The following MED13L variants were observed in gnomAD, a reference collection of about 807,000 sequenced individuals.
MED13L encodes the protein mediator of RNA polymerase II transcription subunit 13-like.
Under a neutral mutation model 220.9 loss-of-function variants are expected in MED13L, and 7 were observed. The ratio of observed to expected loss-of-function variants is 0.03; its 90% CI spans 0.02 to 0.06. The LOEUF is 0.06. MED13L is among the 10% of genes least tolerant of loss of function. The probability of loss-of-function intolerance (pLI) is 1.00; values close to 1 mark genes in which losing one functional copy is unlikely to be tolerated. For synonymous variants in MED13L, 1,011 were observed against 1,015.2 expected (o/e 1.00, Z 0.08); for missense variants, 1,965 against 2,760.5 (o/e 0.71, Z 6.46).
chr12:116,232,107 G>A, intron 2 of MED13L: 1 of 985,370 alleles, frequency 1.0e-6, no homozygotes, highest in Non-Finnish European at 1.2e-6. Flanking sequence ...GCTCTCTTAT[G>A]TCTAATGTTT....
chr12:116,274,937 C>CA (rs1186181075), intron 1 of MED13L, among the ~76,000 whole-genome samples: 1 of 150,724 alleles, frequency 6.6e-6, no homozygotes, highest in Non-Finnish European at 1.5e-5. Flanking sequence ...ATTGCTTCTC[C>CA]AAAAGAATCT....
At position 116,277,237 on chromosome 12, in the gene MED13L, G is replaced by GGCCGCC. The variant is rs956236456; in HGVS notation, c.-112_-107dup. ...CTCGCCGGGGAGCGCGGGGCGGCCG[G>GGCCGCC]GCCGCCGCCGCCGCCGGGGGAGGGC... is the stretch of plus-strand genomic sequence containing the variant. On this transcript the variant is annotated 5_prime_UTR_variant, in exon 1 of 31. Transcript: ENST00000281928. 7.9e-5 allele frequency: 39 copies of GGCCGCC among 496,366 alleles called. No individual in the cohort carries two copies. Among genetic ancestry groups the GGCCGCC allele is most frequent in the African/African-American group, 7.6e-4 (36 of 47,140 alleles). The allele number at this position is 496,366 out of a possible 1,614,324, so 30.7% of individuals were successfully genotyped here. A position where few individuals can be genotyped will look rare whatever the true frequency, so the allele number is the denominator to read the frequency against.
rs1332477505 is a variant in MED13L, at chr12:115,961,376, C to T, written c.6523G>A (p.Ala2175Thr). The change falls in exon 31 of 31, where the codon GCT becomes ACT. Residue 2175 changes from alanine to threonine, a missense_variant. Ala to Thr is a moderately conservative substitution (Grantham distance 58). Around this residue, in one of 10 missense-constraint regions of MED13L, gnomAD observed 145 missense variants for 328.3 expected, o/e 0.44. Coordinates refer to ENST00000281928, the MANE Select transcript of MED13L (RefSeq NM_015335.5). ...GGATTGCACGTGAGCCAGGACAGAG[C>T]GTTGTACTGCTCCAAAACAAACCTG... ...VLRFVLEQYN[A>T]LSWLTCNPAT... 1.2e-6 allele frequency: 2 copies of T among 1,613,644 alleles called. No individual in the cohort carries two copies. The highest frequency in any genetic ancestry group is 1.3e-5 in the African/African-American group (1 of 74,908).
At chr12:116,106,396 T>C (rs1192679066) in intron 3 of MED13L, among the ~76,000 whole-genome samples, 1 of 152,160 alleles carries the variant, frequency 6.6e-6, no homozygotes, top group Non-Finnish European at 1.5e-5. Context: ...GCGTTATAAA[T>C]GATCCCAAAG....
intron 4 of MED13L, among the ~76,000 whole-genome samples, chr12:116,066,063 C>T (rs1869895719): frequency 6.6e-6 from 1 of 152,140 alleles, no homozygotes; most frequent in Non-Finnish European, 1.5e-5. Context: ...TTTGTAAAAG[C>T]TATCAAGTCG....
chr12:116,119,834 A>T (rs1279835698), intron 2 of MED13L, among the ~76,000 whole-genome samples: 6,540 of 93,816 alleles, frequency 0.07, 248 homozygotes, highest in Non-Finnish European at 0.093. Flanking sequence ...AAAAAAAAAA[A>T]AAAAATATAT....
In MED13L at chr12:116,139,588, T is replaced by C. The variant is rs551356689; in HGVS notation, c.311-28076A>G. Among the ~76,000 whole-genome samples the C allele has an allele frequency of 6.6e-5, 10 of 152,294 alleles. No homozygotes were observed. The South Asian group carries it at 1.7e-3, about 25-fold the overall frequency. ...CATAAAATATTATTATAAAAAATATTTTCCCAATCTGATTTTAAACTCAAG... is the reference window on the plus strand; with the variant it reads ...CATAAAATATTATTATAAAAAATATCTTCCCAATCTGATTTTAAACTCAAG... On this transcript the variant is annotated intron_variant, in intron 2 of 30. Coordinates refer to ENST00000281928, the MANE Select transcript of MED13L (RefSeq NM_015335.5).
chr12:115,997,732 C>T (rs533071993), intron 14 of MED13L, among the ~76,000 whole-genome samples: 1 of 152,278 alleles, frequency 6.6e-6, no homozygotes, highest in Admixed American at 6.5e-5. Context: ...TTTTCTTGGT[C>T]TTTATCACTA....
chr12:116,142,313 C>T (rs1321409788), intron 2 of MED13L, among the ~76,000 whole-genome samples: 1 of 152,180 alleles, frequency 6.6e-6, no homozygotes, highest in Non-Finnish European at 1.5e-5. Flanking sequence ...AATAGTAGCA[C>T]TCAAATACTT....
rs373116536 is a variant in MED13L, at chr12:116,029,084, TA to T, written c.480-6484del. 1.1e-4 allele frequency among the ~76,000 whole-genome samples: 16 copies of T among 152,110 alleles called. No homozygotes were observed. The East Asian group carries it at 1.9e-3, about 18-fold the overall frequency. On this transcript the variant is annotated intron_variant, in intron 4 of 30. Coordinates refer to ENST00000281928, the MANE Select transcript of MED13L (RefSeq NM_015335.5). ...AGTAACTAACATATAAATAAAATGA[TA>T]AAAAATGGAGACATTAATACTAGTA...
intron 2 of MED13L, among the ~76,000 whole-genome samples, chr12:116,153,340 G>A (rs141779879): frequency 6.6e-6 from 1 of 152,118 alleles, no homozygotes; most frequent in African/African-American, 2.4e-5. Context: ...AAGCCAAAAT[G>A]TGGAACAAAA....
At chr12:116,031,714 A>AG (rs35407240) in intron 4 of MED13L, among the ~76,000 whole-genome samples, 1,754 of 70,806 alleles carry the variant, frequency 0.025, 91 homozygotes, top group Middle Eastern at 0.037. Context: ...AGAAAAGAAA[A>AG]GAAAAGAAAA....
intron 4 of MED13L, among the ~76,000 whole-genome samples, chr12:116,064,075 A>C (rs796735558): frequency 2.0e-5 from 3 of 152,232 alleles, no homozygotes; most frequent in African/African-American, 7.2e-5. Context: ...CTGTAGTCCC[A>C]GCTACTCAGG....
At chr12:116,062,319 A>G (rs1025058293) in intron 4 of MED13L, among the ~76,000 whole-genome samples, 1 of 151,554 alleles carries the variant, frequency 6.6e-6, no homozygotes, top group Non-Finnish European at 1.5e-5. Context: ...AGACCAGCTA[A>G]TATTTTGTAT....
At position 116,132,794 on chromosome 12, in the gene MED13L, C is replaced by T. The variant is rs186477210; in HGVS notation, c.311-21282G>A. 3.2e-3 allele frequency among the ~76,000 whole-genome samples: 491 copies of T among 152,022 alleles called. 13 individuals carry two copies. The highest frequency in any genetic ancestry group is 1.4e-3 in the Non-Finnish European group (95 of 67,958). On this transcript the variant is annotated intron_variant, in intron 2 of 30. Coordinates refer to ENST00000281928, the MANE Select transcript of MED13L (RefSeq NM_015335.5). ...AATTAGCCGGGTGTGGTGGTGTGTG[C>T]CTGTAATCCCAGTTATTCAGGAGAC...
intron 4 of MED13L, among the ~76,000 whole-genome samples, chr12:116,080,024 T>C (rs1025535558): frequency 2.6e-5 from 4 of 151,690 alleles, no homozygotes. Flanking sequence ...ATTTGAGGTT[T>C]TTTTTTTTTT....
At chr12:116,058,466 G>C (rs931967137) in intron 4 of MED13L, among the ~76,000 whole-genome samples, 35 of 152,100 alleles carry the variant, frequency 2.3e-4, no homozygotes, top group Admixed American at 1.8e-3. Context: ...TAAATGTTGA[G>C]ATCCTAAGTA....
chr12:116,188,349 TCAA>T (rs1270168848), intron 2 of MED13L, among the ~76,000 whole-genome samples: 3 of 152,024 alleles, frequency 2.0e-5, no homozygotes, highest in African/African-American at 7.2e-5. Context: ...TCCTCAATTT[TCAA>T]CAACTTACAA....
rs377007447 is a variant in MED13L, at chr12:115,996,540, T to C, written c.2932A>G (p.Ile978Val). The change falls in exon 16 of 31, where the codon ATT becomes GTT. Residue 978 changes from isoleucine (I) to valine (V), a missense_variant. Ile to Val is a conservative substitution (Grantham distance 29). Around this residue, in one of 10 missense-constraint regions of MED13L, gnomAD observed 233 missense variants for 306.2 expected, o/e 0.76. Coordinates refer to ENST00000281928, the MANE Select transcript of MED13L (RefSeq NM_015335.5). ...GGCAGTTGTTCAATTTTAGGAGGAA[T>C]TGCCCATGAAGGCCGAAACAGACAG... ...DACLFRPSWA[I>V]PPKIEQLPMP... 2.4e-5 allele frequency: 38 copies of C among 1,614,172 alleles called. No individual in the cohort carries two copies. Among genetic ancestry groups the C allele is most frequent in the African/African-American group, 1.5e-4 (11 of 75,048 alleles).
Sources: allele counts gnomAD v4.1 joint callset (sites outside exome capture counted in the v4.1 genomes callset), GRCh38; gene constraint gnomAD v4.1.1; regional missense constraint gnomAD v4.1.1; transcripts MANE v1.5; gene names NCBI Gene and HGNC (gene_info 2026-07-23, HGNC 2026-07-21).